Variants in VAV3 observed in about 807,000 individuals in gnomAD.
The protein encoded by VAV3 is vav guanine nucleotide exchange factor 3.
A neutral mutation model predicts 131.2 loss-of-function variants in VAV3; 94 were observed. The ratio of observed to expected loss-of-function variants is 0.72; its 90% CI spans 0.61 to 0.85. The LOEUF (loss-of-function observed/expected upper bound fraction) is 0.85. Ranked by LOEUF, VAV3 falls within the 40% of genes least tolerant of loss-of-function variation. The pLI is 0.00. For missense variants in VAV3, 939 were observed against 1,002.7 expected (o/e 0.94, Z 0.86); for synonymous variants, 349 against 342.0 (o/e 1.02, Z -0.22).
intron 21 of VAV3, among the ~76,000 whole-genome samples, chr1:107,617,202 G>C (rs1653221122): frequency 6.6e-6 from 1 of 152,114 alleles, no homozygotes; most frequent in Non-Finnish European, 1.5e-5. Flanking sequence ...ATCAGCTGAA[G>C]TGTAATATCG....
At chr1:107,668,869 T>C (rs950687823) in intron 19 of VAV3, 1 of 985,566 alleles carries the variant, frequency 1.0e-6, no homozygotes, top group Non-Finnish European at 1.2e-6. Context: ...TTTTAGCTTC[T>C]AGCTGGCAGT....
intron 7 of VAV3, among the ~76,000 whole-genome samples, chr1:107,766,937 T>C (rs772015260): frequency 5.2e-4 from 79 of 152,196 alleles, no homozygotes; most frequent in Non-Finnish European, 9.0e-4. Flanking sequence ...ATCTCACTAG[T>C]TATTAAAGGA....
intron 19 of VAV3, among the ~76,000 whole-genome samples, chr1:107,650,718 C>T (rs927130721): frequency 2.8e-4 from 34 of 119,718 alleles, no homozygotes; most frequent in Admixed American, 9.2e-4. Context: ...CCCCTCCCCC[C>T]ACCCCACAAC....
intron 20 of VAV3, among the ~76,000 whole-genome samples, chr1:107,628,906 C>T (rs758613612): frequency 1.3e-5 from 2 of 152,114 alleles, no homozygotes; most frequent in African/African-American, 2.4e-5. Context: ...GTGAATTAAT[C>T]GGAATGTGTG....
At chr1:107,728,618 T>C (rs146122959) in intron 15 of VAV3, among the ~76,000 whole-genome samples, 14,235 of 90,860 alleles carry the variant, frequency 0.16, 1,045 homozygotes, top group African/African-American at 0.25. Context: ...TATATGTATA[T>C]GTATATGTAT....
At chr1:107,702,382 G>A (rs1660186143) in intron 17 of VAV3, among the ~76,000 whole-genome samples, 2 of 152,110 alleles carry the variant, frequency 1.3e-5, no homozygotes, top group Admixed American at 1.3e-4. Context: ...AGATTTGGGT[G>A]GGCACACAGG....
intron 2 of VAV3, among the ~76,000 whole-genome samples, chr1:107,839,854 T>C (rs948035905): frequency 2.6e-5 from 4 of 152,126 alleles, no homozygotes; most frequent in African/African-American, 9.7e-5. Context: ...TTACTACTAA[T>C]TCCATGGACA....
intron 1 of VAV3, among the ~76,000 whole-genome samples, chr1:107,895,380 G>A (rs1671517405): frequency 2.0e-5 from 3 of 152,202 alleles, no homozygotes; most frequent in South Asian, 2.1e-4. Context: ...AAATAATGCA[G>A]GAATCTGAAA....
chr1:107,857,149 G>C (rs1027781832), intron 2 of VAV3, among the ~76,000 whole-genome samples: 3 of 152,150 alleles, frequency 2.0e-5, no homozygotes, highest in African/African-American at 7.2e-5. Flanking sequence ...GGGAAAGGCA[G>C]ACCTACCCTT....
At chr1:107,675,819 G>A (rs1333882732) in intron 19 of VAV3, among the ~76,000 whole-genome samples, 1 of 152,200 alleles carries the variant, frequency 6.6e-6, no homozygotes, top group Admixed American at 6.5e-5. Flanking sequence ...AAAACAGTGA[G>A]GTACCATGAC....
chr1:107,630,071 G>C lies in VAV3; in HGVS notation c.1915-12439C>G, dbSNP rs188454575. Among the ~76,000 whole-genome samples the C allele has an allele frequency of 3.9e-5, 6 of 152,160 alleles. No individual in the cohort carries two copies. In the East Asian group the frequency reaches 1.2e-3, roughly 29 times the overall value. On this transcript the variant is annotated intron_variant, in intron 20 of 26. Coordinates refer to ENST00000370056, the MANE Select transcript of VAV3 (RefSeq NM_006113.5). ...AAATACAAAGCCATTGTAACATCTC[G>C]ATAAGTTTTCTAGATTTTTATCTAT...
At chr1:107,744,597 C>T (rs1387261580) in intron 15 of VAV3, among the ~76,000 whole-genome samples, 1 of 151,988 alleles carries the variant, frequency 6.6e-6, no homozygotes, top group African/African-American at 2.4e-5. Context: ...TTTAAAAAAA[C>T]AAACAAACAT....
At chr1:107,635,773 A>G (rs1383122786) in intron 20 of VAV3, among the ~76,000 whole-genome samples, 1 of 152,176 alleles carries the variant, frequency 6.6e-6, no homozygotes, top group Non-Finnish European at 1.5e-5. Flanking sequence ...GGAAGGCAGC[A>G]TGAGCTTCAT....
intron 12 of VAV3, among the ~76,000 whole-genome samples, chr1:107,751,854 AT>A (rs1484656747): frequency 1.3e-5 from 2 of 152,202 alleles, no homozygotes; most frequent in East Asian, 3.8e-4. Flanking sequence ...GGAAAAAAGA[AT>A]TGACTGAAAA....
intron 15 of VAV3, among the ~76,000 whole-genome samples, chr1:107,715,672 T>A (rs1225256378): frequency 6.6e-6 from 1 of 152,208 alleles, no homozygotes; most frequent in Non-Finnish European, 1.5e-5. Flanking sequence ...TAAAATGCAT[T>A]GTTCATTCTC....
chr1:107,842,964 A>T (rs897919994), intron 2 of VAV3, among the ~76,000 whole-genome samples: 10 of 152,268 alleles, frequency 6.6e-5, no homozygotes, highest in African/African-American at 2.2e-4. Flanking sequence ...TTTATCTATG[A>T]TGAGAGCAGA....
At position 107,807,704 on chromosome 1, in the gene VAV3, A is replaced by G. The variant is rs12217032; in HGVS notation, c.322-28212T>C. On this transcript the variant is annotated intron_variant, in intron 2 of 26. Transcript: ENST00000370056. ...CTCAGCTTTGCAAACATCTGAGACC[A>G]AAAAGATGCTAGCAATCCATATACA... 3.6e-3 allele frequency among the ~76,000 whole-genome samples: 554 copies of G among 152,372 alleles called. 28 individuals are homozygous for G. In the East Asian group the frequency reaches 0.096, roughly 26 times the overall value.
At chr1:107,770,288 C>A (rs367840644) in intron 6 of VAV3, among the ~76,000 whole-genome samples, 53 of 152,250 alleles carry the variant, frequency 3.5e-4, no homozygotes, top group East Asian at 2.3e-3. Context: ...GCCCTCCCCC[C>A]CCATCACTCT....
chr1:107,962,808 AAAG>A (rs1426052715), intron 1 of VAV3, among the ~76,000 whole-genome samples: 1 of 152,236 alleles, frequency 6.6e-6, no homozygotes, highest in African/African-American at 2.4e-5. Flanking sequence ...GCAACGGCAC[AAAG>A]AAGGTCATTA....
Sources: allele counts gnomAD v4.1 joint callset (sites outside exome capture counted in the v4.1 genomes callset), GRCh38; gene constraint gnomAD v4.1.1; transcripts MANE v1.5; gene names NCBI Gene and HGNC (gene_info 2026-07-23, HGNC 2026-07-21).